The following POFUT2 variants were observed in gnomAD, a reference collection of about 807,000 sequenced individuals.
POFUT2 encodes the protein protein O-fucosyltransferase 2, also known as GDP-fucose protein O-fucosyltransferase 2.
A neutral mutation model predicts 55.0 loss-of-function variants in POFUT2; 30 were observed. The ratio of observed to expected loss-of-function variants is 0.55; its 90% confidence interval spans 0.41 to 0.74. The LOEUF is 0.74. Among genes scored for constraint, POFUT2 ranks in the 30% least tolerant of loss-of-function variants. POFUT2 has a pLI of 0.00. For synonymous variants in POFUT2, 267 were observed against 231.1 expected (o/e 1.16, Z -1.41); for missense variants, 524 against 562.6 (o/e 0.93, Z 0.69).
intron 2 of POFUT2, 132 bp from the exon 3 acceptor site, chr21:45,283,659 A>G: frequency 1.1e-6 from 1 of 926,186 alleles, no homozygotes; most frequent in Non-Finnish European, 1.7e-6. Flanking sequence ...TAGGAGGCTC[A>G]CAAAAGCAGA....
At chr21:45,273,661 T>C (rs891389295) in intron 6 of POFUT2, among the ~76,000 whole-genome samples, 12 of 152,178 alleles carry the variant, frequency 7.9e-5, no homozygotes, top group African/African-American at 2.7e-4. Flanking sequence ...TGGTTTAACA[T>C]ATCCAAGTCA....
intron 6 of POFUT2, among the ~76,000 whole-genome samples, chr21:45,276,730 C>T (rs184910902): frequency 5.0e-4 from 76 of 152,268 alleles, no homozygotes; most frequent in Non-Finnish European, 8.7e-4. Context: ...GGCCTTGCCG[C>T]GCTCTGAGAA....
Position 45,282,328 on chromosome 21 carries a change from C to A in POFUT2, c.638+21G>T. On this transcript the variant is annotated intron_variant, in intron 4 of 8. Transcript: ENST00000349485. This position sits in a 1 kb window ranked among gnomAD's most constrained non-coding sequence, Gnocchi z 4.6. ...GACGCCACAGCCTCCAGGCTGCTCCCGGGGGGCCTGGGGCACTCACCGGGC... is the reference window on the plus strand; with the variant it reads ...GACGCCACAGCCTCCAGGCTGCTCCAGGGGGGCCTGGGGCACTCACCGGGC... The A allele has an allele frequency of 6.6e-7, 1 of 1,511,770 alleles. No individual in the cohort carries two copies. 93.6% of individuals were successfully genotyped at this position (1,511,770 alleles called of 1,614,324 possible). A position where few individuals can be genotyped will look rare whatever the true frequency, so the allele number is the denominator to read the frequency against.
At chr21:45,278,029 G>A in intron 5 of POFUT2, 74 bp downstream of exon 5, 3 of 1,187,886 alleles carry the variant, frequency 2.5e-6, no homozygotes, top group Non-Finnish European at 3.8e-6. Context: ...GCTGTCGACT[G>A]TTTTAAATTT....
chr21:45,287,194 C>G (rs2031515874), intron 1 of POFUT2, among the ~76,000 whole-genome samples: 3 of 134,714 alleles, frequency 2.2e-5, no homozygotes, highest in Non-Finnish European at 1.6e-5. Flanking sequence ...CAGCCCGGCC[C>G]CGGCCCCTGC....
In POFUT2 at chr21:45,281,251, G is replaced by A. The variant is rs1311113079; in HGVS notation, c.638+1098C>T. Among the ~76,000 whole-genome samples the A allele has an allele frequency of 6.6e-6, 1 of 152,154 alleles. No individual in the cohort carries two copies. Among genetic ancestry groups the A allele is most frequent in the Admixed American group, 6.5e-5 (1 of 15,286 alleles). On this transcript the variant is annotated intron_variant, in intron 4 of 8. Coordinates refer to ENST00000349485, the MANE Select transcript of POFUT2 (RefSeq NM_133635.6). This position sits in a 1 kb window ranked among gnomAD's most constrained non-coding sequence, Gnocchi z 5.0. ...CTCAGCTCCATTCTAACCTGTAAAT[G>A]TGAGTCAAAAAAACTGACTGGCAAG...
At chr21:45,266,647 CAG>C in intron 8 of POFUT2, 2 of 1,003,616 alleles carry the variant, frequency 2.0e-6, no homozygotes, top group Non-Finnish European at 2.4e-6. Context: ...GTCTGCTTAA[CAG>C]GGAAAGGGAC....
rs1340611424 is a variant in POFUT2 at position 45,265,179 on chromosome 21, C to T, written c.*303G>A. The T allele has an allele frequency of 1.1e-5, 3 of 282,088 alleles. No homozygotes were observed. The allele number at this position is 282,088 out of a possible 1,614,324, so 17.5% of individuals were successfully genotyped here. A position where few individuals can be genotyped will look rare whatever the true frequency, so the allele number is the denominator to read the frequency against. Reference sequence around the variant, plus strand: ...AAGGCCAGAGCGGGAGCCTGACAAACACTCCTGCTTCTGGGTCACCACGCG... The same window carrying T: ...AAGGCCAGAGCGGGAGCCTGACAAATACTCCTGCTTCTGGGTCACCACGCG... On this transcript the variant is annotated 3_prime_UTR_variant, in exon 9 of 9. Transcript: ENST00000349485. The surrounding 1 kb of genome is among the most constrained non-coding windows in gnomAD (Gnocchi z 4.6).
In POFUT2 at chr21:45,267,766, A is replaced by T. The variant is rs1013052268; in HGVS notation, c.1013-53T>A. The T allele has an allele frequency of 8.6e-6, 13 of 1,513,488 alleles. No homozygotes were observed. The highest frequency in any genetic ancestry group is 1.7e-4 in the Middle Eastern group (1 of 5,794). The allele number at this position is 1,513,488 out of a possible 1,614,324, so 93.8% of individuals were successfully genotyped here. On this transcript the variant is annotated intron_variant, in intron 7 of 8. Transcript: ENST00000349485. This position sits in a 1 kb window ranked among gnomAD's most constrained non-coding sequence, Gnocchi z 4.4. ...AACCGGGATCCTCCAGTAAGGACAG[A>T]TACGTGACTCTTTAGCAGACAGACA...
chr21:45,286,618 T>C (rs900791905), intron 1 of POFUT2, among the ~76,000 whole-genome samples: 2 of 152,154 alleles, frequency 1.3e-5, no homozygotes, highest in African/African-American at 4.8e-5. Flanking sequence ...AGCTCAGAGA[T>C]CCAGGACACA....
rs1178196412 is a variant in POFUT2 at position 45,287,748 on chromosome 21, G to A, written c.124C>T (p.Arg42Cys). Residue 42 changes from arginine to cysteine, a missense_variant, in exon 1 of 9, where the codon CGC becomes TGC. Arg to Cys is a radical substitution (Grantham distance 180, BLOSUM62 -3). Coordinates refer to ENST00000349485, the MANE Select transcript of POFUT2 (RefSeq NM_133635.6). ...AADILSGAAS[R>C]RRYLLYDVNP... ...CCGTGGACGCGCGTTTACCGTCTGCGGGAAGCCGCCCCCGACAGAATATCG... is the reference window on the plus strand; with the variant it reads ...CCGTGGACGCGCGTTTACCGTCTGCAGGAAGCCGCCCCCGACAGAATATCG... 2 of 1,469,930 alleles carry A rather than the reference G, an allele frequency of 1.4e-6. No individual in the cohort carries two copies. Among genetic ancestry groups the A allele is most frequent in the Non-Finnish European group, 1.8e-6 (2 of 1,104,980 alleles). 91.1% of individuals were successfully genotyped at this position (1,469,930 alleles called of 1,614,324 possible). A position where few individuals can be genotyped will look rare whatever the true frequency, so the allele number is the denominator to read the frequency against.
In POFUT2 at chr21:45,285,861, C is replaced by T. The variant is rs768299921; in HGVS notation, c.199G>A (p.Ala67Thr). 5 of 1,612,972 alleles carry T rather than the reference C, an allele frequency of 3.1e-6. No individual in the cohort carries two copies. Among genetic ancestry groups the T allele is most frequent in the Middle Eastern group, 1.6e-4 (1 of 6,084 alleles). ...NLRRDVYIRI[A>T]SLLKTLLKTE... ...TTCAGCAGAGTCTTCAGGAGAGAGG[C>T]GATTCGGATATAGACATCCCTGCGC... Residue 67 changes from alanine to threonine, a missense_variant, in exon 2 of 9, where the codon GCC becomes ACC. Around this residue, in one of 2 missense-constraint regions of POFUT2, gnomAD observed 274 missense variants for 244.4 expected, o/e 1.12. Transcript: ENST00000349485. This position sits in a 1 kb window ranked among gnomAD's most constrained non-coding sequence, Gnocchi z 4.9.
chr21:45,274,966 G>A (rs200092259), intron 6 of POFUT2, among the ~76,000 whole-genome samples: 4 of 152,090 alleles, frequency 2.6e-5, no homozygotes, highest in East Asian at 1.9e-4. Context: ...GCTTCTGCAC[G>A]GCAAAAGAAA....
chr21:45,287,856 A>T lies in POFUT2; in HGVS notation c.16T>A (p.Phe6Ile), dbSNP rs776304042. ...ACTGCCCCCAGCAGCAGGAAGACGA[A>T]GCTGAGTGTCGCCATGGCCCCGGGC... MATLS[F>I]VFLLLGAVSW... is the part of the protein sequence containing the mutation. Residue 6 changes from phenylalanine (F) to isoleucine (I), a missense_variant, in exon 1 of 9, where the codon TTC becomes ATC. Coordinates refer to ENST00000349485, the MANE Select transcript of POFUT2 (RefSeq NM_133635.6). 1 of 1,408,988 alleles carries T rather than the reference A, an allele frequency of 7.1e-7. No individual in the cohort carries two copies. The allele number at this position is 1,408,988 out of a possible 1,614,324, so 87.3% of individuals were successfully genotyped here.
At chr21:45,271,790 A>G (rs1355454783) in intron 6 of POFUT2, among the ~76,000 whole-genome samples, 1 of 152,234 alleles carries the variant, frequency 6.6e-6, no homozygotes, top group Non-Finnish European at 1.5e-5. Context: ...TTTTATATCC[A>G]GCAAAACTAA....
At position 45,267,829 on chromosome 21, in the gene POFUT2, C is replaced by T. The variant is rs2093170937; in HGVS notation, c.1013-116G>A. On this transcript the variant is annotated intron_variant, in intron 7 of 8. Coordinates refer to ENST00000349485, the MANE Select transcript of POFUT2 (RefSeq NM_133635.6). The surrounding 1 kb of genome is among the most constrained non-coding windows in gnomAD (Gnocchi z 4.4). ...TTCTGGTTAATTCGTTAGGAACTGGCTCCAAAGGTGCAGACACACAACTCA... is the reference window on the plus strand; with the variant it reads ...TTCTGGTTAATTCGTTAGGAACTGGTTCCAAAGGTGCAGACACACAACTCA... The T allele has an allele frequency of 5.7e-6, 5 of 876,556 alleles. No individual in the cohort carries two copies. The highest frequency in any genetic ancestry group is 4.1e-5 in the Admixed American group (2 of 48,196). 54.3% of individuals were successfully genotyped at this position (876,556 alleles called of 1,614,324 possible). A position where few individuals can be genotyped will look rare whatever the true frequency, so the allele number is the denominator to read the frequency against.
chr21:45,265,926 C>A lies in POFUT2; in HGVS notation c.1137-291G>T. The A allele has an allele frequency of 7.8e-7, 1 of 1,284,102 alleles. No homozygotes were observed. The highest frequency in any genetic ancestry group is 1.5e-5 in the South Asian group (1 of 65,164). The allele number at this position is 1,284,102 out of a possible 1,614,324, so 79.5% of individuals were successfully genotyped here. On this transcript the variant is annotated intron_variant, in intron 8 of 8. Coordinates refer to ENST00000349485, the MANE Select transcript of POFUT2 (RefSeq NM_133635.6). The surrounding 1 kb of genome is among the most constrained non-coding windows in gnomAD (Gnocchi z 4.6). ...TCCCACCGCATGTCCCCCTGGGAGC[C>A]CTCCTCTCCGTCACCAAATCCCAGG...
At chr21:45,276,949 G>C (rs2093270054) in intron 6 of POFUT2, 68 bp downstream of exon 6, 28 of 1,542,600 alleles carry the variant, frequency 1.8e-5, no homozygotes, top group Non-Finnish European at 2.3e-5. Flanking sequence ...TACATGGAAG[G>C]CCTGAGTGTG....
intron 7 of POFUT2, among the ~76,000 whole-genome samples, chr21:45,269,531 G>T (rs1228596969): frequency 6.6e-6 from 1 of 152,086 alleles, no homozygotes; most frequent in African/African-American, 2.4e-5. Flanking sequence ...GTCCACTCAG[G>T]GTTAAATGGA....
Sources: allele counts gnomAD v4.1 joint callset (sites outside exome capture counted in the v4.1 genomes callset), GRCh38; gene constraint gnomAD v4.1.1; regional missense constraint gnomAD v4.1.1; non-coding constraint Gnocchi (gnomAD v3.1); transcripts MANE v1.5; gene names NCBI Gene and HGNC (gene_info 2026-07-23, HGNC 2026-07-21).